The following ZFHX3 variants were observed in gnomAD, a reference collection of about 807,000 sequenced individuals.
The protein encoded by ZFHX3 is zinc finger homeobox protein 3.
ZFHX3 carries 42 observed loss-of-function variants against 279.1 expected under a neutral mutation model. The observed-to-expected ratio is 0.15, with a 90% confidence interval of 0.12 to 0.19. The LOEUF (loss-of-function observed/expected upper bound fraction) is 0.19. Ranked by LOEUF, ZFHX3 falls within the 10% of genes least tolerant of loss-of-function variation. The pLI is 1.00. For missense variants in ZFHX3, 4,981 were observed against 4,754.0 expected (o/e 1.05, Z -1.40); for synonymous variants, 2,293 against 1,957.8 (o/e 1.17, Z -4.52).
intron 5 of ZFHX3, among the ~76,000 whole-genome samples, chr16:73,249,417 A>C (rs1462968714): frequency 6.6e-6 from 1 of 152,206 alleles, no homozygotes; most frequent in Non-Finnish European, 1.5e-5. Flanking sequence ...ATGGCTGGGG[A>C]GGCCTTACAA....
At chr16:73,177,268 C>A (rs1396697464) in intron 5 of ZFHX3, among the ~76,000 whole-genome samples, 1 of 152,116 alleles carries the variant, frequency 6.6e-6, no homozygotes, top group African/African-American at 2.4e-5. Context: ...CCATTCTATG[C>A]AAAAGAGGCT....
chr16:73,216,297 C>T (rs1347102748), intron 5 of ZFHX3, among the ~76,000 whole-genome samples: 2 of 152,170 alleles, frequency 1.3e-5, no homozygotes, highest in Non-Finnish European at 2.9e-5. Context: ...CAGGTCAAGT[C>T]CAAACTCTGT....
intron 1 of ZFHX3, among the ~76,000 whole-genome samples, chr16:73,000,001 C>G (rs1299326634): frequency 6.6e-6 from 1 of 152,196 alleles, no homozygotes; most frequent in African/African-American, 2.4e-5. Flanking sequence ...AAGGTGTGCA[C>G]AGAGTTTTGA....
intron 3 of ZFHX3, among the ~76,000 whole-genome samples, chr16:73,383,226 T>C (rs534585599): frequency 2.0e-5 from 3 of 152,220 alleles, no homozygotes; most frequent in African/African-American, 7.2e-5. Context: ...AACGACTTGC[T>C]TCTCCTCAGC....
rs1483136771 is a variant in ZFHX3 at position 72,793,022 on chromosome 16, A to C, written c.9427+233T>G. ...GGACCCTCAAGTTTTTCCCTATTAT[A>C]GGGGATAAGAGTGGTTTCAAAGGAG... On this transcript the variant is annotated intron_variant, in intron 9 of 9. Coordinates refer to ENST00000268489, the MANE Select transcript of ZFHX3 (RefSeq NM_006885.4). This position sits in a 1 kb window ranked among gnomAD's most constrained non-coding sequence, Gnocchi z 4.3. 6.6e-6 allele frequency among the ~76,000 whole-genome samples: 1 copy of C among 152,194 alleles called. No homozygotes were observed. Among genetic ancestry groups the C allele is most frequent in the Non-Finnish European group, 1.5e-5 (1 of 68,030 alleles).
intron 1 of ZFHX3, among the ~76,000 whole-genome samples, chr16:72,977,934 G>A (rs146537394): frequency 0.014 from 2,073 of 151,684 alleles, 52 homozygotes; most frequent in African/African-American, 0.048. Context: ...GCACGATCTC[G>A]GCTCACTGCA....
intron 8 of ZFHX3, chr16:73,092,839 T>C: frequency 2.1e-6 from 1 of 486,834 alleles, no homozygotes; most frequent in Non-Finnish European, 4.1e-6. Flanking sequence ...AGACGGCTCA[T>C]GCAGACCCGG....
At chr16:73,418,570 A>G (rs919998684) in intron 3 of ZFHX3, among the ~76,000 whole-genome samples, 2 of 152,266 alleles carry the variant, frequency 1.3e-5, no homozygotes, top group African/African-American at 4.8e-5. Flanking sequence ...TGAGAAAAAG[A>G]AAGAGACATG....
chr16:73,428,343 T>C (rs1463554749), intron 3 of ZFHX3, among the ~76,000 whole-genome samples: 1 of 152,110 alleles, frequency 6.6e-6, no homozygotes, highest in South Asian at 2.1e-4. Flanking sequence ...TTAGGACTAA[T>C]TAAGAAGAGT....
chr16:73,725,753 G>C (rs1441979804), intron 1 of ZFHX3, among the ~76,000 whole-genome samples: 1 of 152,088 alleles, frequency 6.6e-6, no homozygotes, highest in South Asian at 2.1e-4. Flanking sequence ...TGGAAGTAGG[G>C]ATGGACAGTG....
chr16:72,858,975 A>C (rs929495756), intron 4 of ZFHX3, among the ~76,000 whole-genome samples: 9 of 152,080 alleles, frequency 5.9e-5, no homozygotes, highest in African/African-American at 2.2e-4. Context: ...TCACAATCAG[A>C]TCCTGAGTTC....
chr16:72,935,778 GA>G (rs2144319962), intron 3 of ZFHX3, among the ~76,000 whole-genome samples: 1 of 151,486 alleles, frequency 6.6e-6, no homozygotes, highest in South Asian at 2.1e-4. Context: ...ATCATCAGGC[GA>G]CACTTGCTGA....
intron 7 of ZFHX3, chr16:73,127,550 C>G: frequency 7.7e-7 from 1 of 1,305,440 alleles, no homozygotes; most frequent in Non-Finnish European, 1.0e-6. Context: ...AGGCTTTGGG[C>G]TCAGCCGAGC....
intron 3 of ZFHX3, among the ~76,000 whole-genome samples, chr16:73,393,604 C>CACGTGAATCTTCCTTCTG (rs1567470333): frequency 6.6e-6 from 1 of 152,194 alleles, no homozygotes; most frequent in Non-Finnish European, 1.5e-5. Context: ...CATTCCTTCT[C>CACGTGAATCTTCCTTCTG]ACGTGAATCT....
chr16:73,475,590 A>G (rs1057273141), intron 2 of ZFHX3, among the ~76,000 whole-genome samples: 1 of 152,154 alleles, frequency 6.6e-6, no homozygotes, highest in South Asian at 2.1e-4. Context: ...GAAGTATTAC[A>G]TATAAAAAGT....
chr16:73,235,423 C>G (rs1310453086), intron 5 of ZFHX3, among the ~76,000 whole-genome samples: 1 of 152,170 alleles, frequency 6.6e-6, no homozygotes, highest in Non-Finnish European at 1.5e-5. Flanking sequence ...CAGAAACAAA[C>G]TTCTTTCTTC....
intron 2 of ZFHX3, among the ~76,000 whole-genome samples, chr16:73,602,703 T>A (rs2052131393): frequency 6.6e-6 from 1 of 151,960 alleles, no homozygotes; most frequent in Admixed American, 6.6e-5. Flanking sequence ...TCTCAGCACT[T>A]TGGGAGGCTC....
At chr16:73,278,850 C>A (rs958555735) in intron 4 of ZFHX3, among the ~76,000 whole-genome samples, 8 of 152,128 alleles carry the variant, frequency 5.3e-5, no homozygotes, top group Admixed American at 1.3e-4. Context: ...TTGCTAGCTA[C>A]AGAGTGCTGA....
chr16:73,642,700 C>T (rs2052584672), intron 2 of ZFHX3, among the ~76,000 whole-genome samples: 2 of 152,104 alleles, frequency 1.3e-5, no homozygotes, highest in African/African-American at 4.8e-5. Context: ...ATATGTGCAC[C>T]CTTCCACATA....
Sources: allele counts gnomAD v4.1 joint callset (sites outside exome capture counted in the v4.1 genomes callset), GRCh38; gene constraint gnomAD v4.1.1; non-coding constraint Gnocchi (gnomAD v3.1); transcripts MANE v1.5; gene names NCBI Gene and HGNC (gene_info 2026-07-23, HGNC 2026-07-21).